MNS1: variants seen among roughly 807,000 people sequenced by gnomAD.
The protein encoded by MNS1 is meiosis specific nuclear structural 1, also known as meiosis-specific nuclear structural protein 1.
Under a neutral mutation model 72.0 loss-of-function variants are expected in MNS1, and 63 were observed. The observed-to-expected ratio is 0.87, with a 90% CI of 0.71 to 1.08. MNS1 has a LOEUF of 1.08. MNS1 is among the 50% of genes least tolerant of loss of function. MNS1 has a pLI of 0.00. For missense variants in MNS1, 604 were observed against 562.4 expected (o/e 1.07, Z -0.75); for synonymous variants, 188 against 172.1 (o/e 1.09, Z -0.72).
chr15:56,437,352 C>T (rs1190592234), intron 7 of MNS1, among the ~76,000 whole-genome samples: 1 of 152,040 alleles, frequency 6.6e-6, no homozygotes, highest in Non-Finnish European at 1.5e-5. Flanking sequence ...TAAACAGAAC[C>T]AATGACAAAA....
chr15:56,430,953 G>C (rs2050574282), intron 9 of MNS1, among the ~76,000 whole-genome samples: 1 of 152,154 alleles, frequency 6.6e-6, no homozygotes, highest in Non-Finnish European at 1.5e-5. Flanking sequence ...CTGAGGCCAA[G>C]AGTTCAAGAC....
At chr15:56,432,087 T>C (rs142738754) in intron 8 of MNS1, among the ~76,000 whole-genome samples, 13 of 152,266 alleles carry the variant, frequency 8.5e-5, no homozygotes, top group African/African-American at 3.1e-4. Flanking sequence ...TCAAACCTAA[T>C]TCTATCTTAA....
In MNS1 at chr15:56,434,190, C is replaced by T. The variant is rs777819374; in HGVS notation, c.1217G>A (p.Arg406Lys). 1.9e-6 allele frequency: 3 copies of T among 1,613,866 alleles called. No individual in the cohort carries two copies. The highest frequency in any genetic ancestry group is 4.5e-5 in the East Asian group (2 of 44,852). Reference protein sequence around the residue: ...KQRMKQLEHRRAVEKLIEERR... With the variant: ...KQRMKQLEHRKAVEKLIEERR... ...CTCTTCAATAAGTTTTTCCACAGCCCTCCTGTGTTCCAGCTGCTTCATTCT... is the reference window on the plus strand; with the variant it reads ...CTCTTCAATAAGTTTTTCCACAGCCTTCCTGTGTTCCAGCTGCTTCATTCT... The change falls in exon 8 of 10, where the codon AGG becomes AAG. Residue 406 changes from arginine to lysine, a missense_variant. Coordinates refer to ENST00000260453, the MANE Select transcript of MNS1 (RefSeq NM_018365.4).
At chr15:56,461,716 G>C (rs1596269665) in intron 2 of MNS1, among the ~76,000 whole-genome samples, 1 of 148,888 alleles carries the variant, frequency 6.7e-6, no homozygotes, top group Non-Finnish European at 1.5e-5. Flanking sequence ...GCATCCATTG[G>C]CCAAGGATGA....
intron 2 of MNS1, among the ~76,000 whole-genome samples, chr15:56,459,481 C>G (rs934389192): frequency 6.6e-6 from 1 of 152,066 alleles, no homozygotes; most frequent in Non-Finnish European, 1.5e-5. Flanking sequence ...ATATTTAGTA[C>G]CCAGCTACAC....
Position 56,460,009 on chromosome 15 carries a change from A to AAAAATATATATAT in MNS1, c.226-3489_226-3488insATATATATATTTT. 3.4e-4 allele frequency among the ~76,000 whole-genome samples: 9 copies of AAAAATATATATAT among 26,384 alleles called. 1 individual carries two copies. The highest frequency in any genetic ancestry group is 7.5e-4 in the African/African-American group (5 of 6,652). The allele number at this position is 26,384 out of a possible 152,430, so 17.3% of individuals were successfully genotyped here. A position where few individuals can be genotyped will look rare whatever the true frequency, so the allele number is the denominator to read the frequency against. ...CTGTCTCAAAAAAAAAAAAAAAAAA[A>AAAAATATATATAT]ATACATATATATATATATATATATA... On this transcript the variant is annotated intron_variant, in intron 2 of 9. Coordinates refer to ENST00000260453, the MANE Select transcript of MNS1 (RefSeq NM_018365.4).
At chr15:56,443,386 T>C in intron 7 of MNS1, 44 bp downstream of exon 7, 1 of 1,386,320 alleles carries the variant, frequency 7.2e-7, no homozygotes, top group Non-Finnish European at 9.8e-7. Context: ...CTCAAAATTA[T>C]ATTCTTCTCT....
intron 7 of MNS1, among the ~76,000 whole-genome samples, chr15:56,436,045 T>C (rs2140335909): frequency 1.3e-5 from 2 of 151,832 alleles, no homozygotes; most frequent in South Asian, 4.2e-4. Flanking sequence ...ATCATATCAG[T>C]AGAAAAAAGT....
rs16976912 is a variant in MNS1, at chr15:56,444,569, G to A, written c.561C>T (p.Tyr187=). Residue 187 remains tyrosine, a synonymous_variant, in exon 5 of 10, where the codon TAC becomes TAT. Transcript: ENST00000260453. ...EDKRNKAKAQ[Y]YLDLEKQLEE... The stretch of plus-strand genomic sequence containing the variant: ...CAAGTTGTTTCTCTAAGTCAAGATA[G>A]TACTGTGCTTTCGCTTTGTTTCGTT... 1,065 of 1,612,700 alleles carry A rather than the reference G, an allele frequency of 6.6e-4. 5 individuals carry two copies. In the African/African-American group the frequency reaches 9.8e-3, roughly 15 times the overall value.
At chr15:56,442,143 C>T (rs1422155729) in intron 7 of MNS1, among the ~76,000 whole-genome samples, 1 of 152,102 alleles carries the variant, frequency 6.6e-6, no homozygotes, top group Non-Finnish European at 1.5e-5. Flanking sequence ...TGCTCAATAT[C>T]ACTAATCATT....
At chr15:56,461,647 G>A (rs1378077164) in intron 2 of MNS1, among the ~76,000 whole-genome samples, 1 of 98,972 alleles carries the variant, frequency 1.0e-5, no homozygotes, top group East Asian at 3.4e-4. Flanking sequence ...GGAGACAGAT[G>A]AAGACTCTGT....
chr15:56,439,781 C>CAA (rs1204530373), intron 7 of MNS1, among the ~76,000 whole-genome samples: 1 of 146,620 alleles, frequency 6.8e-6, no homozygotes, highest in Non-Finnish European at 1.5e-5. Context: ...AAACAAAACA[C>CAA]ACACACACAC....
intron 1 of MNS1, 78 bp from the exon 2 acceptor site, chr15:56,464,325 T>C: frequency 9.4e-7 from 1 of 1,059,278 alleles, no homozygotes; most frequent in Non-Finnish European, 1.4e-6. Flanking sequence ...ATATAAACCT[T>C]AGTAAGAAAG....
intron 1 of MNS1, 61 bp from the exon 2 acceptor site, chr15:56,464,308 T>C (rs1310321378): frequency 1.7e-6 from 2 of 1,204,130 alleles, no homozygotes; most frequent in South Asian, 2.9e-5. Context: ...TTTTAAAAAA[T>C]GTATTGATAT....
At chr15:56,436,587 G>A (rs2050729769) in intron 7 of MNS1, among the ~76,000 whole-genome samples, 1 of 152,036 alleles carries the variant, frequency 6.6e-6, no homozygotes, top group Admixed American at 6.6e-5. Flanking sequence ...GCTAGCAGAA[G>A]GCAAGAAATA....
chr15:56,460,581 A>T (rs189149611), intron 2 of MNS1, among the ~76,000 whole-genome samples: 54 of 152,280 alleles, frequency 3.5e-4, no homozygotes, highest in Admixed American at 8.5e-4. Context: ...AGATGTTAAG[A>T]AGTAGTCAGG....
intron 4 of MNS1, among the ~76,000 whole-genome samples, chr15:56,445,387 A>G (rs1596263659): frequency 6.6e-6 from 1 of 152,000 alleles, no homozygotes; most frequent in African/African-American, 2.4e-5. Flanking sequence ...TACTGAGGCA[A>G]TTTTTTAAAC....
chr15:56,443,923 CATA>C (rs1175699185), intron 5 of MNS1, 69 bp from the exon 6 acceptor site: 1 of 1,188,934 alleles, frequency 8.4e-7, no homozygotes, highest in Non-Finnish European at 1.2e-6. Flanking sequence ...TCATTTTGTT[CATA>C]ATAATGTACA....
rs369558932 is a variant in MNS1, at chr15:56,441,551, T to C, written c.1011+1879A>G. The stretch of plus-strand genomic sequence containing the variant: ...AAGCAATTGTAACAAAAACAAAAAT[T>C]GACAAGTGGGACCTAGTTAAACTAA... On this transcript the variant is annotated intron_variant, in intron 7 of 9. Coordinates refer to ENST00000260453, the MANE Select transcript of MNS1 (RefSeq NM_018365.4). Among the ~76,000 whole-genome samples, 3 of 152,256 alleles carry C rather than the reference T, an allele frequency of 2.0e-5. 1 individual carries two copies. Among genetic ancestry groups the C allele is most frequent in the Admixed American group, 6.5e-5 (1 of 15,280 alleles).
Sources: gnomAD v4.1 joint callset for allele counts (sites outside exome capture counted in the v4.1 genomes callset) on GRCh38, gnomAD v4.1.1 for gene constraint, MANE v1.5 for transcripts, NCBI Gene and HGNC (gene_info 2026-07-23, HGNC 2026-07-21) for gene names.